LUZP2: variants seen among roughly 807,000 people sequenced by gnomAD.
LUZP2 encodes the protein leucine zipper protein 2.
In LUZP2, 52 loss-of-function variants were observed where a neutral mutation model predicts 51.6. The ratio of observed to expected loss-of-function variants is 1.01; its 90% CI spans 0.81 to 1.27. The LOEUF is 1.27. Ranked by LOEUF, LUZP2 falls within the 50% of genes most tolerant of loss-of-function variation. The pLI, the probability that LUZP2 is intolerant of heterozygous loss-of-function variation, is 0.00. For synonymous variants in LUZP2, 154 were observed against 137.3 expected (o/e 1.12, Z -0.85); for missense variants, 436 against 395.4 (o/e 1.10, Z -0.87).
chr11:24,532,998 C>A (rs950068167), intron 1 of LUZP2, among the ~76,000 whole-genome samples: 3 of 151,302 alleles, frequency 2.0e-5, no homozygotes, highest in East Asian at 1.9e-4. Context: ...CTTCTACAGT[C>A]AATTTGTTCT....
At chr11:24,966,771 G>T in intron 7 of LUZP2, among the ~76,000 whole-genome samples, 1 of 144,974 alleles carries the variant, frequency 6.9e-6, no homozygotes, top group African/African-American at 2.5e-5. Flanking sequence ...TATATATAGT[G>T]GATATAATAT....
intron 1 of LUZP2, among the ~76,000 whole-genome samples, chr11:24,563,185 A>G (rs1023423221): frequency 6.6e-6 from 1 of 152,188 alleles, no homozygotes; most frequent in Non-Finnish European, 1.5e-5. Flanking sequence ...AATTTCCTCT[A>G]TTTGAAACTG....
At chr11:24,529,588 C>T (rs1850931836) in intron 1 of LUZP2, among the ~76,000 whole-genome samples, 1 of 150,912 alleles carries the variant, frequency 6.6e-6, no homozygotes, top group Non-Finnish European at 1.5e-5. Flanking sequence ...GGTTAGGAAT[C>T]AATAAGAATA....
intron 1 of LUZP2, among the ~76,000 whole-genome samples, chr11:24,546,024 AT>A (rs1851528709): frequency 1.3e-5 from 2 of 151,870 alleles, no homozygotes; most frequent in Non-Finnish European, 2.9e-5. Flanking sequence ...ATATCAAGGT[AT>A]TTTATGCTTT....
At chr11:24,887,007 C>T (rs1565056629) in intron 5 of LUZP2, among the ~76,000 whole-genome samples, 1 of 152,066 alleles carries the variant, frequency 6.6e-6, no homozygotes, top group Non-Finnish European at 1.5e-5. Context: ...TGCCTATTTG[C>T]CTGATCTGTG....
At chr11:24,573,116 G>GTT (rs34509982) in intron 1 of LUZP2, among the ~76,000 whole-genome samples, 7 of 151,096 alleles carry the variant, frequency 4.6e-5, no homozygotes, top group Admixed American at 6.6e-5. Flanking sequence ...AAGAGAAATT[G>GTT]TTTTTTCAAG....
At chr11:24,626,241 G>A (rs1854677927) in intron 1 of LUZP2, among the ~76,000 whole-genome samples, 1 of 152,096 alleles carries the variant, frequency 6.6e-6, no homozygotes, top group Non-Finnish European at 1.5e-5. Flanking sequence ...GGGAGAATCA[G>A]GTTTCAGCCA....
chr11:24,926,160 T>G (rs1854223228), intron 7 of LUZP2, among the ~76,000 whole-genome samples: 1 of 150,982 alleles, frequency 6.6e-6, no homozygotes, highest in South Asian at 2.1e-4. Flanking sequence ...CATAAATCAA[T>G]AAGTGCATAA....
chr11:24,789,098 G>C (rs554834157), intron 5 of LUZP2, among the ~76,000 whole-genome samples: 5 of 152,292 alleles, frequency 3.3e-5, no homozygotes, highest in Admixed American at 3.3e-4. Context: ...TGGACCCTTG[G>C]TGGTGTACAT....
At chr11:24,742,324 C>A (rs559851359) in intron 4 of LUZP2, among the ~76,000 whole-genome samples, 3 of 151,582 alleles carry the variant, frequency 2.0e-5, no homozygotes, top group African/African-American at 7.3e-5. Flanking sequence ...ACCAGCAGTG[C>A]GAAAGTGTTC....
At chr11:24,985,861 A>T (rs1375218633) in intron 9 of LUZP2, among the ~76,000 whole-genome samples, 3 of 151,722 alleles carry the variant, frequency 2.0e-5, no homozygotes, top group Non-Finnish European at 4.4e-5. Context: ...TATCATCACA[A>T]TGAATAGGGT....
intron 7 of LUZP2, among the ~76,000 whole-genome samples, chr11:24,953,614 C>T (rs1236066307): frequency 1.3e-5 from 2 of 151,976 alleles, no homozygotes; most frequent in East Asian, 1.9e-4. Context: ...AACCTCAAAA[C>T]ATTTAAGTAG....
chr11:24,617,094 T>C (rs148150300), intron 1 of LUZP2, among the ~76,000 whole-genome samples: 1 of 152,224 alleles, frequency 6.6e-6, no homozygotes, highest in Non-Finnish European at 1.5e-5. Flanking sequence ...ACAGAGGTAG[T>C]AGATGTTTCA....
intron 9 of LUZP2, among the ~76,000 whole-genome samples, chr11:25,049,054 T>C (rs1164317050): frequency 1.3e-5 from 2 of 152,218 alleles, no homozygotes; most frequent in African/African-American, 4.8e-5. Flanking sequence ...GTTCTCCTGC[T>C]AAAGAACGTA....
chr11:24,581,427 T>C (rs1364147415), intron 1 of LUZP2, among the ~76,000 whole-genome samples: 1 of 152,072 alleles, frequency 6.6e-6, no homozygotes, highest in Non-Finnish European at 1.5e-5. Context: ...TCCCAGCACC[T>C]TGGGAGGCTG....
At chr11:24,857,735 T>C (rs1367101476) in intron 5 of LUZP2, among the ~76,000 whole-genome samples, 3 of 151,992 alleles carry the variant, frequency 2.0e-5, no homozygotes, top group Non-Finnish European at 4.4e-5. Flanking sequence ...AGCAGGTTTT[T>C]TATCTTTTAA....
chr11:24,649,735 G>C (rs1399209330), intron 1 of LUZP2, among the ~76,000 whole-genome samples: 1 of 151,876 alleles, frequency 6.6e-6, no homozygotes. Context: ...ATTCCATTAA[G>C]AGACCATTTC....
At chr11:25,061,505 A>G (rs1028378375) in intron 10 of LUZP2, among the ~76,000 whole-genome samples, 1 of 152,176 alleles carries the variant, frequency 6.6e-6, no homozygotes, top group Non-Finnish European at 1.5e-5. Context: ...GATCTCCTGT[A>G]TAATTGAATG....
At chr11:24,604,781 T>C (rs768633227) in intron 1 of LUZP2, among the ~76,000 whole-genome samples, 16 of 151,882 alleles carry the variant, frequency 1.1e-4, no homozygotes, top group Non-Finnish European at 1.8e-4. Flanking sequence ...CTTCACTTGT[T>C]TGACTTTTTT....
Sources: allele counts gnomAD v4.1 joint callset (sites outside exome capture counted in the v4.1 genomes callset), GRCh38; gene constraint gnomAD v4.1.1; transcripts MANE v1.5; gene names NCBI Gene and HGNC (gene_info 2026-07-23, HGNC 2026-07-21).